SLC9A2: variants seen among roughly 807,000 people sequenced by gnomAD.
SLC9A2 encodes the protein solute carrier family 9 member A2, also known as sodium/hydrogen exchanger 2.
Under a neutral mutation model 71.7 loss-of-function variants are expected in SLC9A2, and 42 were observed. That is an observed-to-expected ratio of 0.59 (90% CI 0.46 to 0.76). The LOEUF (loss-of-function observed/expected upper bound fraction) is 0.76, where lower values mean the gene tolerates loss of function less well. SLC9A2 is among the 30% of genes least tolerant of loss of function. The probability of loss-of-function intolerance (pLI) is 0.00; values close to 1 mark genes in which losing one functional copy is unlikely to be tolerated. For synonymous variants in SLC9A2, 396 were observed against 392.5 expected, an observed-to-expected ratio of 1.01 and a Z score of -0.10; for missense variants, 829 against 1,017.4, an observed-to-expected ratio of 0.81 and a Z score of 2.52.
At chr2:102,674,781 G>A (rs565298903) in intron 3 of SLC9A2, among the ~76,000 whole-genome samples, 1 of 152,328 alleles carries the variant, frequency 6.6e-6, no homozygotes, top group Admixed American at 6.5e-5. Flanking sequence ...GCCTTAGGGT[G>A]ATAGGACAAG....
chr2:102,620,390 A>G (rs1299767528), intron 1 of SLC9A2, among the ~76,000 whole-genome samples: 1 of 152,222 alleles, frequency 6.6e-6, no homozygotes, highest in Non-Finnish European at 1.5e-5. Context: ...ATTGCTGCTT[A>G]CTTCTGCCGC....
intron 3 of SLC9A2, among the ~76,000 whole-genome samples, chr2:102,671,502 T>C (rs1156871102): frequency 6.6e-6 from 1 of 152,246 alleles, no homozygotes; most frequent in African/African-American, 2.4e-5. Context: ...TATCTTTTCT[T>C]TTCTATTGTA....
intron 9 of SLC9A2, among the ~76,000 whole-genome samples, chr2:102,703,135 C>T (rs1360429822): frequency 6.6e-6 from 1 of 152,196 alleles, no homozygotes; most frequent in Non-Finnish European, 1.5e-5. Context: ...CATGTGGGGG[C>T]TGTTTCAGCA....
chr2:102,668,576 C>G (rs1031146476), intron 3 of SLC9A2, among the ~76,000 whole-genome samples: 2 of 152,102 alleles, frequency 1.3e-5, no homozygotes, highest in Non-Finnish European at 2.9e-5. Flanking sequence ...ATTTATAAAC[C>G]AATTTTAAGG....
In SLC9A2 at chr2:102,709,808, T is replaced by C. The variant is rs564957061; in HGVS notation, c.*1319T>C. On this transcript the variant is annotated 3_prime_UTR_variant, in exon 12 of 12. Transcript: ENST00000233969. ...TAGATTTTATTGGCCTGTTTTTTTT[T>C]TCTAAATAATTCTTTAAAACTTGAC... 1 of 152,634 alleles carries C rather than the reference T, an allele frequency of 6.6e-6. No homozygotes were observed. The highest frequency in any genetic ancestry group is 1.5e-5 in the Non-Finnish European group (1 of 68,018). The allele number at this position is 152,634 out of a possible 1,614,324, so 9.5% of individuals were successfully genotyped here.
At chr2:102,643,790 G>C (rs1206462139) in intron 1 of SLC9A2, among the ~76,000 whole-genome samples, 1 of 151,942 alleles carries the variant, frequency 6.6e-6, no homozygotes, top group African/African-American at 2.4e-5. Context: ...TTGTTAAAGA[G>C]ATGGAGGTCT....
chr2:102,682,229 G>A (rs12987206), intron 3 of SLC9A2, among the ~76,000 whole-genome samples: 54,040 of 151,968 alleles, frequency 0.36, 9,803 homozygotes, highest in East Asian at 0.48. Context: ...TCCTTAGACC[G>A]GACCTACCAT....
chr2:102,656,013 C>T (rs1329254868), intron 1 of SLC9A2, among the ~76,000 whole-genome samples: 1 of 152,230 alleles, frequency 6.6e-6, no homozygotes, highest in Non-Finnish European at 1.5e-5. Flanking sequence ...CCATCCACCT[C>T]TTACAGCTAT....
At chr2:102,663,725 C>T (rs1417657267) in intron 2 of SLC9A2, among the ~76,000 whole-genome samples, 1 of 152,214 alleles carries the variant, frequency 6.6e-6, no homozygotes, top group Non-Finnish European at 1.5e-5. Flanking sequence ...TTCTCCCTAA[C>T]GTCCTTATCA....
chr2:102,632,037 TAC>T (rs1327056487), intron 1 of SLC9A2, among the ~76,000 whole-genome samples: 163 of 60,788 alleles, frequency 2.7e-3, no homozygotes, highest in African/African-American at 8.7e-3. Flanking sequence ...TATATATATA[TAC>T]ATACACACAC....
intron 5 of SLC9A2, among the ~76,000 whole-genome samples, chr2:102,692,255 A>C (rs1677678396): frequency 1.3e-5 from 2 of 152,232 alleles, no homozygotes; most frequent in Admixed American, 1.3e-4. Flanking sequence ...CACACTTCAG[A>C]AAGTTAAAAT....
At chr2:102,637,173 C>T (rs549858363) in intron 1 of SLC9A2, among the ~76,000 whole-genome samples, 4 of 152,266 alleles carry the variant, frequency 2.6e-5, no homozygotes, top group African/African-American at 9.6e-5. Context: ...GACTGCTTCA[C>T]CTGCCGTTCC....
At chr2:102,669,978 C>G (rs777223752) in intron 3 of SLC9A2, among the ~76,000 whole-genome samples, 3 of 152,050 alleles carry the variant, frequency 2.0e-5, no homozygotes, top group Non-Finnish European at 4.4e-5. Context: ...AAATGGCTAA[C>G]TCCTCCTTCA....
At chr2:102,661,980 A>G (rs1008365482) in intron 2 of SLC9A2, among the ~76,000 whole-genome samples, 19 of 152,258 alleles carry the variant, frequency 1.2e-4, no homozygotes, top group African/African-American at 4.1e-4. Context: ...AGTTGTAACC[A>G]GAAGAATTTT....
intron 11 of SLC9A2, among the ~76,000 whole-genome samples, chr2:102,706,560 AACTT>A (rs559351016): frequency 1.0e-3 from 156 of 152,288 alleles, no homozygotes; most frequent in African/African-American, 3.6e-3. Context: ...TGTACCCTAA[AACTT>A]AAAGTATAAT....
intron 11 of SLC9A2, among the ~76,000 whole-genome samples, chr2:102,707,589 T>C (rs1678007353): frequency 6.6e-6 from 1 of 152,108 alleles, no homozygotes; most frequent in Non-Finnish European, 1.5e-5. Flanking sequence ...CGCCCTTTTG[T>C]GGAAATGTAA....
Position 102,695,614 on chromosome 2 carries a change from G to A in SLC9A2, c.1586+501G>A, listed in dbSNP as rs111944660. Among the ~76,000 whole-genome samples the A allele has an allele frequency of 6.1e-3, 920 of 151,616 alleles. 10 individuals carry two copies. Among genetic ancestry groups the A allele is most frequent in the African/African-American group, 0.02 (818 of 41,298 alleles). On this transcript the variant is annotated intron_variant, in intron 7 of 11. Transcript: ENST00000233969. ...CTCAGTCCTATGGCCATTCCTGTCT[G>A]CAAAGCAGGCTGAGGAATGCAATCT...
At chr2:102,696,097 C>T (rs1335370676) in intron 7 of SLC9A2, among the ~76,000 whole-genome samples, 1 of 151,906 alleles carries the variant, frequency 6.6e-6, no homozygotes, top group Non-Finnish European at 1.5e-5. Context: ...CAGGAGCCAG[C>T]CCCCACTTGC....
intron 2 of SLC9A2, among the ~76,000 whole-genome samples, chr2:102,659,743 A>G (rs1677016993): frequency 6.6e-6 from 1 of 152,228 alleles, no homozygotes; most frequent in African/African-American, 2.4e-5. Flanking sequence ...GGAAACTGCC[A>G]TAATAGTAGA....
Sources: allele counts gnomAD v4.1 joint callset (sites outside exome capture counted in the v4.1 genomes callset), GRCh38; gene constraint gnomAD v4.1.1; transcripts MANE v1.5; gene names NCBI Gene and HGNC (gene_info 2026-07-23, HGNC 2026-07-21).